The following MARK3 variants were observed in gnomAD, a reference collection of about 807,000 sequenced individuals.
MARK3 encodes the protein microtubule affinity regulating kinase 3, also known as MAP/microtubule affinity-regulating kinase 3.
Under a neutral mutation model 90.1 loss-of-function variants are expected in MARK3, and 46 were observed. That is an observed-to-expected ratio of 0.51 (90% CI 0.40 to 0.65). The LOEUF (loss-of-function observed/expected upper bound fraction) is 0.65. Ranked by LOEUF, MARK3 falls within the 30% of genes least tolerant of loss-of-function variation. The pLI is 0.00. For missense variants in MARK3, 818 were observed against 947.2 expected (o/e 0.86, Z 1.79); for synonymous variants, 321 against 332.6 (o/e 0.97, Z 0.38).
At chr14:103,429,430 A>T (rs1219032996) in intron 3 of MARK3, 1 of 152,240 alleles carries the variant, frequency 6.6e-6, no homozygotes, top group African/African-American at 2.4e-5. Flanking sequence ...ACAGCACTGC[A>T]CAGTTGTGCG....
At chr14:103,462,947 C>G (rs2093429678) in intron 7 of MARK3, among the ~76,000 whole-genome samples, 1 of 152,132 alleles carries the variant, frequency 6.6e-6, no homozygotes, top group Non-Finnish European at 1.5e-5. Flanking sequence ...GGCCCTCAAA[C>G]CTAGCAGCAC....
intron 1 of MARK3, among the ~76,000 whole-genome samples, chr14:103,389,528 C>CAAAAAAAAAAAAAAAA (rs67737305): frequency 1.4e-4 from 7 of 49,854 alleles, no homozygotes; most frequent in Non-Finnish European, 2.0e-4. Flanking sequence ...ACTCTGTCTC[C>CAAAAAAAAAAAAAAAA]AAAAAAAAAA....
At chr14:103,386,630 T>C (rs763088646) in intron 1 of MARK3, among the ~76,000 whole-genome samples, 14 of 152,204 alleles carry the variant, frequency 9.2e-5, no homozygotes, top group Admixed American at 3.9e-4. Context: ...TCCAAAACAC[T>C]AGCGCGCAGC....
intron 3 of MARK3, among the ~76,000 whole-genome samples, chr14:103,437,122 A>G (rs566056925): frequency 1.3e-5 from 2 of 151,700 alleles, no homozygotes; most frequent in South Asian, 4.1e-4. Context: ...ATAAAACTGT[A>G]TATATGTTTG....
At chr14:103,474,032 T>TA (rs1182455433) in intron 12 of MARK3, among the ~76,000 whole-genome samples, 4,523 of 96,108 alleles carry the variant, frequency 0.047, 139 homozygotes, top group African/African-American at 0.078. Flanking sequence ...CCGTCTCTAC[T>TA]AAAAAAAAAA....
intron 1 of MARK3, among the ~76,000 whole-genome samples, chr14:103,403,375 ACT>A (rs1416354245): frequency 2.9e-5 from 4 of 139,880 alleles, no homozygotes; most frequent in Non-Finnish European, 4.7e-5. Context: ...TGTGTGTGTA[ACT>A]CAGTAAATAT....
chr14:103,470,224 G>A (rs1031620281), intron 12 of MARK3, among the ~76,000 whole-genome samples: 3 of 151,878 alleles, frequency 2.0e-5, no homozygotes, highest in Admixed American at 2.0e-4. Flanking sequence ...CTTGCTGTTA[G>A]TGTGGTTAAG....
At chr14:103,418,017 C>T (rs1302513788) in intron 2 of MARK3, among the ~76,000 whole-genome samples, 2 of 151,910 alleles carry the variant, frequency 1.3e-5, no homozygotes, top group Admixed American at 6.6e-5. Flanking sequence ...TGCAGTGAGC[C>T]GAGATCGCGC....
At chr14:103,434,947 C>T (rs1442390812) in intron 3 of MARK3, among the ~76,000 whole-genome samples, 1 of 152,148 alleles carries the variant, frequency 6.6e-6, no homozygotes, top group Admixed American at 6.6e-5. Flanking sequence ...AAGAGGGAGG[C>T]TGTTTTCTTT....
At chr14:103,502,841 T>G in intron 17 of MARK3, 41 bp from the exon 18 acceptor site, 1 of 1,531,706 alleles carries the variant, frequency 6.5e-7, no homozygotes, top group Non-Finnish European at 8.9e-7. Flanking sequence ...AGGTTGATTT[T>G]CCTGTACGAT....
chr14:103,483,452 A>G (rs1484498164), intron 14 of MARK3, among the ~76,000 whole-genome samples: 1 of 152,192 alleles, frequency 6.6e-6, no homozygotes, highest in Non-Finnish European at 1.5e-5. Flanking sequence ...TCAAAATCCT[A>G]CTGTAAACAG....
At chr14:103,486,011 C>A (rs754839275) in intron 14 of MARK3, among the ~76,000 whole-genome samples, 1 of 152,026 alleles carries the variant, frequency 6.6e-6, no homozygotes, top group East Asian at 1.9e-4. Flanking sequence ...TAAATGTAGA[C>A]CAGGCATGAT....
chr14:103,500,326 G>A (rs2142147085), intron 17 of MARK3, 126 bp downstream of exon 17: 1 of 710,196 alleles, frequency 1.4e-6, no homozygotes, highest in Non-Finnish European at 2.3e-6. Flanking sequence ...ACGTAGAGAG[G>A]GTGGCCACAA....
Position 103,481,757 on chromosome 14 carries a change from C to CTTTTTTTTTTTTTTTTTTT in MARK3, c.1586+1276_1586+1294dup, listed in dbSNP as rs71126030. 2.4e-4 allele frequency among the ~76,000 whole-genome samples: 12 copies of CTTTTTTTTTTTTTTTTTTT among 49,802 alleles called. 4 individuals are homozygous for CTTTTTTTTTTTTTTTTTTT. The highest frequency in any genetic ancestry group is 3.6e-4 in the Admixed American group (1 of 2,810). The allele number at this position is 49,802 out of a possible 152,430, so 32.7% of individuals were successfully genotyped here. On this transcript the variant is annotated intron_variant, in intron 14 of 17. Transcript: ENST00000429436. ...CAGATAATGATTGATATAGGTATTT[C>CTTTTTTTTTTTTTTTTTTT]TTTTTTTTTTTTTTTTTTTTTTTTT...
intron 3 of MARK3, among the ~76,000 whole-genome samples, chr14:103,444,086 C>CTTTTTTT (rs10676381): frequency 2.6e-5 from 3 of 116,400 alleles, no homozygotes; most frequent in East Asian, 2.5e-4. Flanking sequence ...GTAAAATTGT[C>CTTTTTTT]TTTTTTTTTT....
chr14:103,465,435 T>C, intron 7 of MARK3, 122 bp from the exon 8 acceptor site: 1 of 650,522 alleles, frequency 1.5e-6, no homozygotes, highest in Non-Finnish European at 2.7e-6. Flanking sequence ...AAGAATGTTT[T>C]CACATTAATT....
In MARK3 at chr14:103,450,523, C is replaced by T. The variant is rs549440745; in HGVS notation, c.347-1395C>T. Among the ~76,000 whole-genome samples the T allele has an allele frequency of 2.0e-5, 3 of 152,224 alleles. No individual in the cohort carries two copies. In the South Asian group the frequency reaches 6.2e-4, roughly 32 times the overall value. ...TCCTATTGCATTAACATAGTTTTCC[C>T]AGAAGACCCAAAGTTTCGTTGGAAG... On this transcript the variant is annotated intron_variant, in intron 4 of 17. Coordinates refer to ENST00000429436, the MANE Select transcript of MARK3 (RefSeq NM_001128918.3).
At chr14:103,459,986 T>A (rs913610844) in intron 6 of MARK3, among the ~76,000 whole-genome samples, 2 of 149,006 alleles carry the variant, frequency 1.3e-5, no homozygotes, top group Admixed American at 6.7e-5. Context: ...TCCTTCACCA[T>A]GCCCATCCTA....
intron 14 of MARK3, chr14:103,491,561 C>T (rs966778675): frequency 3.7e-6 from 2 of 543,796 alleles, no homozygotes; most frequent in African/African-American, 3.8e-5. Flanking sequence ...ATATATAATA[C>T]TGGTCCCTTA....
Sources: gnomAD v4.1 joint callset for allele counts (sites outside exome capture counted in the v4.1 genomes callset) on GRCh38, gnomAD v4.1.1 for gene constraint, MANE v1.5 for transcripts, NCBI Gene and HGNC (gene_info 2026-07-23, HGNC 2026-07-21) for gene names.